Variants in GALNT18 observed in about 807,000 individuals in gnomAD.
GALNT18 encodes the protein polypeptide N-acetylgalactosaminyltransferase 18.
Under a neutral mutation model 69.5 loss-of-function variants are expected in GALNT18, and 44 were observed. That is an observed-to-expected ratio of 0.63 (90% CI 0.50 to 0.81). GALNT18 has a LOEUF of 0.81. GALNT18 is among the 40% of genes least tolerant of loss of function. GALNT18 has a pLI of 0.00. For missense variants in GALNT18, 715 were observed against 810.0 expected, an observed-to-expected ratio of 0.88 and a Z score of 1.42; for synonymous variants, 364 against 318.2, an observed-to-expected ratio of 1.14 and a Z score of -1.53.
chr11:11,292,652 CAG>C (rs1849322598), intron 10 of GALNT18, among the ~76,000 whole-genome samples: 1 of 152,098 alleles, frequency 6.6e-6, no homozygotes, highest in African/African-American at 2.4e-5. Flanking sequence ...GGTTTAAAGT[CAG>C]AAAGACCTGA....
chr11:11,510,389 G>A (rs1857143040), intron 1 of GALNT18, among the ~76,000 whole-genome samples: 1 of 152,172 alleles, frequency 6.6e-6, no homozygotes, highest in African/African-American at 2.4e-5. Context: ...TCCCTACCCT[G>A]GGTCGTCTCT....
At chr11:11,384,198 G>C (rs1308431244) in intron 3 of GALNT18, among the ~76,000 whole-genome samples, 1 of 152,112 alleles carries the variant, frequency 6.6e-6, no homozygotes, top group Non-Finnish European at 1.5e-5. Flanking sequence ...CTAACCCCCA[G>C]TGTGATGGTA....
intron 3 of GALNT18, among the ~76,000 whole-genome samples, chr11:11,386,787 A>C (rs1199430931): frequency 6.6e-6 from 1 of 152,238 alleles, no homozygotes; most frequent in Non-Finnish European, 1.5e-5. Flanking sequence ...TGGTGAAGAT[A>C]GGATTTAAGT....
intron 6 of GALNT18, among the ~76,000 whole-genome samples, chr11:11,363,402 C>T (rs2133083348): frequency 6.6e-6 from 1 of 152,162 alleles, no homozygotes; most frequent in African/African-American, 2.4e-5. Flanking sequence ...GACTGTACAT[C>T]CTAGTGGGAT....
Position 11,293,138 on chromosome 11 carries a change from A to G in GALNT18, c.1568T>C (p.Val523Ala), listed in dbSNP as rs1849333857. 7.3e-7 allele frequency: 1 copy of G among 1,363,116 alleles called. No individual in the cohort carries two copies. The highest frequency in any genetic ancestry group is 2.8e-5 in the East Asian group (1 of 35,958). 84.4% of individuals were successfully genotyped at this position (1,363,116 alleles called of 1,614,324 possible). A position where few individuals can be genotyped will look rare whatever the true frequency, so the allele number is the denominator to read the frequency against. ...QIHVGILSPT[V>A]DDDDNRCLVD... ...CAGGCATCGGTTGTCATCATCATCCACGGTGGGGCTCAGAATGCCCACATG... is the reference window on the plus strand; with the variant it reads ...CAGGCATCGGTTGTCATCATCATCCGCGGTGGGGCTCAGAATGCCCACATG... The change falls in exon 10 of 11, where the codon GTG becomes GCG. Residue 523 changes from valine (V) to alanine (A), a missense_variant. Physicochemically the swap from Val to Ala is moderately conservative, Grantham distance 64. Coordinates refer to ENST00000227756, the MANE Select transcript of GALNT18 (RefSeq NM_198516.3).
intron 1 of GALNT18, among the ~76,000 whole-genome samples, chr11:11,482,653 C>T (rs72865430): frequency 0.049 from 7,489 of 152,228 alleles, 259 homozygotes; most frequent in South Asian, 0.15. Flanking sequence ...GGTGGGAAAT[C>T]AGAAACATGG....
At chr11:11,445,066 C>T (rs12278731) in intron 2 of GALNT18, among the ~76,000 whole-genome samples, 72,062 of 152,144 alleles carry the variant, frequency 0.47, 18,785 homozygotes, top group Middle Eastern at 0.63. Flanking sequence ...AACATGTAGA[C>T]GCCGACCTTC....
chr11:11,286,677 C>G (rs1849201830), intron 10 of GALNT18, among the ~76,000 whole-genome samples: 1 of 152,138 alleles, frequency 6.6e-6, no homozygotes, highest in Non-Finnish European at 1.5e-5. Context: ...GGTGCTGCCT[C>G]TGTCTCTGGC....
chr11:11,506,748 C>A (rs927500823), intron 1 of GALNT18, among the ~76,000 whole-genome samples: 1 of 152,220 alleles, frequency 6.6e-6, no homozygotes, highest in African/African-American at 2.4e-5. Flanking sequence ...GGGGACAAAA[C>A]TTCCAGTCAA....
At chr11:11,504,811 G>T (rs1436230196) in intron 1 of GALNT18, among the ~76,000 whole-genome samples, 2 of 152,044 alleles carry the variant, frequency 1.3e-5, no homozygotes, top group African/African-American at 4.8e-5. Flanking sequence ...GCCTATACTT[G>T]CTAGGCAAGA....
chr11:11,425,186 G>A (rs536827496), intron 3 of GALNT18, among the ~76,000 whole-genome samples: 8 of 152,318 alleles, frequency 5.3e-5, no homozygotes, highest in East Asian at 1.9e-4. Context: ...CTTGAGGCCC[G>A]CTGAGTTGTA....
chr11:11,607,680 C>T (rs1039197799), intron 1 of GALNT18, among the ~76,000 whole-genome samples: 2 of 152,162 alleles, frequency 1.3e-5, no homozygotes, highest in African/African-American at 4.8e-5. Context: ...TCACATTGCT[C>T]TGAGTTAAAT....
Position 11,538,322 on chromosome 11 carries a change from AG to A in GALNT18, c.235+83036del, listed in dbSNP as rs1857830404. On this transcript the variant is annotated intron_variant, in intron 1 of 10. Transcript: ENST00000227756. This position sits in a 1 kb window ranked among gnomAD's most constrained non-coding sequence, Gnocchi z 5.2. ...GCTGGGAAGGCCACTCACTAAGGCCAGGGTGTCCTTTACTTGGCAGGGAGCA... is the reference window on the plus strand; with the variant it reads ...GCTGGGAAGGCCACTCACTAAGGCCAGGTGTCCTTTACTTGGCAGGGAGCA... Among the ~76,000 whole-genome samples the A allele has an allele frequency of 6.6e-6, 1 of 152,198 alleles. No homozygotes were observed. Among genetic ancestry groups the A allele is most frequent in the Non-Finnish European group, 1.5e-5 (1 of 68,034 alleles).
chr11:11,534,440 G>T (rs938251318), intron 1 of GALNT18, among the ~76,000 whole-genome samples: 3 of 152,180 alleles, frequency 2.0e-5, no homozygotes, highest in Non-Finnish European at 4.4e-5. Flanking sequence ...ACAGACATTT[G>T]CTCAATGCCA....
chr11:11,277,741 C>T (rs966185893), intron 10 of GALNT18, among the ~76,000 whole-genome samples: 2 of 152,084 alleles, frequency 1.3e-5, no homozygotes, highest in Admixed American at 1.3e-4. Flanking sequence ...TTTTATTCTG[C>T]CTTCATTTTG....
Position 11,430,805 on chromosome 11 carries a change from C to A in GALNT18, c.595+1816G>T, listed in dbSNP as rs1199460853. ...ACTCCAGGCCTCTTGACTTCTCTCT[C>A]TACTGCTGCAATAGCCTTCTCATCC... On this transcript the variant is annotated intron_variant, in intron 3 of 10. Coordinates refer to ENST00000227756, the MANE Select transcript of GALNT18 (RefSeq NM_198516.3). The surrounding 1 kb of genome is among the most constrained non-coding windows in gnomAD (Gnocchi z 4.9). Among the ~76,000 whole-genome samples the A allele has an allele frequency of 6.6e-6, 1 of 152,194 alleles. No individual in the cohort carries two copies. The highest frequency in any genetic ancestry group is 2.4e-5 in the African/African-American group (1 of 41,438).
At position 11,396,354 on chromosome 11, in the gene GALNT18, G is replaced by A. The variant is rs1267864780; in HGVS notation, c.596-17090C>T. On this transcript the variant is annotated intron_variant, in intron 3 of 10. Transcript: ENST00000227756. This position sits in a 1 kb window ranked among gnomAD's most constrained non-coding sequence, Gnocchi z 5.2. ...AGGTGAGGAAGAGAGAGTTTGCTTA[G>A]AGATTAAATGATGTCATCAGCAGTG... Among the ~76,000 whole-genome samples the A allele has an allele frequency of 6.6e-6, 1 of 152,142 alleles. No homozygotes were observed. The highest frequency in any genetic ancestry group is 2.4e-5 in the African/African-American group (1 of 41,426).
At chr11:11,328,246 C>T (rs1849959377) in intron 8 of GALNT18, among the ~76,000 whole-genome samples, 1 of 152,232 alleles carries the variant, frequency 6.6e-6, no homozygotes, top group Non-Finnish European at 1.5e-5. Context: ...CATTTCACTT[C>T]CTACTCCTGT....
At chr11:11,365,015 CTTAAT>C (rs1850730473) in intron 6 of GALNT18, among the ~76,000 whole-genome samples, 1 of 3,234 alleles carries the variant, frequency 3.1e-4, no homozygotes, top group African/African-American at 4.5e-4. Context: ...CTCTTTTTTC[CTTAAT>C]TTTTTTTTCA....
Sources: allele counts gnomAD v4.1 joint callset (sites outside exome capture counted in the v4.1 genomes callset), GRCh38; gene constraint gnomAD v4.1.1; non-coding constraint Gnocchi (gnomAD v3.1); transcripts MANE v1.5; gene names NCBI Gene and HGNC (gene_info 2026-07-23, HGNC 2026-07-21).